GABRA2: variants seen among roughly 807,000 people sequenced by gnomAD.
GABRA2 encodes gamma-aminobutyric acid type A receptor subunit alpha2.
A neutral mutation model predicts 48.7 loss-of-function variants in GABRA2; 16 were observed. The observed-to-expected ratio is 0.33, with a 90% confidence interval of 0.22 to 0.50. The LOEUF (loss-of-function observed/expected upper bound fraction) is 0.50, where lower values mean the gene tolerates loss of function less well. GABRA2 is among the 20% of genes least tolerant of loss of function. The probability of loss-of-function intolerance (pLI) is 0.98; values close to 1 mark genes in which losing one functional copy is unlikely to be tolerated. For missense variants in GABRA2, 275 were observed against 535.6 expected, an observed-to-expected ratio of 0.51 and a Z score of 4.80; for synonymous variants, 185 against 184.5, an observed-to-expected ratio of 1.00 and a Z score of -0.02.
chr4:46,313,214 A>T (rs1423593129), intron 4 of GABRA2, among the ~76,000 whole-genome samples: 1 of 150,980 alleles, frequency 6.6e-6, no homozygotes. Flanking sequence ...AAGAAAAATT[A>T]AAAAATTAAA....
intron 3 of GABRA2, chr4:46,369,114 A>G (rs1405926087): frequency 1.4e-5 from 9 of 632,370 alleles, no homozygotes; most frequent in Non-Finnish European, 2.6e-5. Flanking sequence ...GGGCTAGGTT[A>G]ATATACTCAA....
chr4:46,319,800 A>G (rs1729143688), intron 4 of GABRA2, among the ~76,000 whole-genome samples: 1 of 151,846 alleles, frequency 6.6e-6, no homozygotes. Context: ...TTTTAACAGA[A>G]GATAATTAAA....
At chr4:46,356,989 T>G (rs1387277638) in intron 3 of GABRA2, among the ~76,000 whole-genome samples, 3 of 152,000 alleles carry the variant, frequency 2.0e-5, no homozygotes, top group Non-Finnish European at 4.4e-5. Context: ...TTGTTTTTTT[T>G]TTGTTTTGTT....
At chr4:46,333,997 T>C (rs1287110933) in intron 3 of GABRA2, among the ~76,000 whole-genome samples, 1 of 152,168 alleles carries the variant, frequency 6.6e-6, no homozygotes. Flanking sequence ...GGCATAGTTA[T>C]AGTGCTCCAA....
At chr4:46,303,662 C>T in intron 7 of GABRA2, 50 bp from the exon 8 acceptor site, 1 of 1,531,788 alleles carries the variant, frequency 6.5e-7, no homozygotes, top group Non-Finnish European at 9.0e-7. Context: ...ATACTTTGAA[C>T]ATTTAGGAAA....
intron 9 of GABRA2, among the ~76,000 whole-genome samples, chr4:46,260,089 T>G (rs1716649744): frequency 6.6e-6 from 1 of 151,910 alleles, no homozygotes; most frequent in African/African-American, 2.4e-5. Context: ...GGTATTATAT[T>G]GTCGGATTTA....
rs1269524227 is a variant in GABRA2 at position 46,246,730 on chromosome 4, C to A, written c.*3578G>T. Among the ~76,000 whole-genome samples, 2 of 151,186 alleles carry A rather than the reference C, an allele frequency of 1.3e-5. No homozygotes were observed. Among genetic ancestry groups the A allele is most frequent in the African/African-American group, 2.4e-5 (1 of 41,324 alleles). ...CTGTTTAGTAAATCTATTAACATAA[C>A]CTCATATTTCCAAGTAAATAATAAA... is the stretch of plus-strand genomic sequence containing the variant. On this transcript the variant is annotated 3_prime_UTR_variant, in exon 10 of 10. Transcript: ENST00000381620.
At chr4:46,295,011 C>G (rs552373244) in intron 8 of GABRA2, among the ~76,000 whole-genome samples, 2 of 152,202 alleles carry the variant, frequency 1.3e-5, no homozygotes, top group African/African-American at 4.8e-5. Flanking sequence ...TCCACTCCTG[C>G]TACCCTGCCT....
At chr4:46,349,595 T>G (rs1260788749) in intron 3 of GABRA2, among the ~76,000 whole-genome samples, 2 of 152,002 alleles carry the variant, frequency 1.3e-5, no homozygotes, top group African/African-American at 4.8e-5. Context: ...AACAATCCAA[T>G]ATTTTTCTTC....
intron 3 of GABRA2, among the ~76,000 whole-genome samples, chr4:46,353,196 T>C (rs560809825): frequency 2.0e-5 from 3 of 152,084 alleles, no homozygotes; most frequent in East Asian, 1.9e-4. Context: ...ACTTTCCTCT[T>C]TCACACCCAT....
At chr4:46,305,264 G>A (rs1726466404) in intron 7 of GABRA2, among the ~76,000 whole-genome samples, 1 of 111,822 alleles carries the variant, frequency 8.9e-6, no homozygotes, top group Non-Finnish European at 1.8e-5. Context: ...GGCCTGTTGT[G>A]GGGTGGGGGG....
intron 3 of GABRA2, 78 bp downstream of exon 3, chr4:46,385,996 T>C: frequency 1.3e-6 from 1 of 792,040 alleles, no homozygotes; most frequent in South Asian, 1.6e-5. Flanking sequence ...TATATAAAAG[T>C]ATTAAAATAG....
Position 46,330,589 on chromosome 4 carries a change from T to TAGAGAGAGAGAGAGAG in GABRA2, c.255+2025_255+2026insCTCTCTCTCTCTCTCT, listed in dbSNP as rs1322712224. 8.6e-3 allele frequency among the ~76,000 whole-genome samples: 1,072 copies of TAGAGAGAGAGAGAGAG among 124,456 alleles called. 4 individuals are homozygous for TAGAGAGAGAGAGAGAG. The highest frequency in any genetic ancestry group is 0.012 in the Non-Finnish European group (730 of 58,560). 81.6% of individuals were successfully genotyped at this position (124,456 alleles called of 152,430 possible). A position where few individuals can be genotyped will look rare whatever the true frequency, so the allele number is the denominator to read the frequency against. On this transcript the variant is annotated intron_variant, in intron 4 of 9. Transcript: ENST00000381620. ...ATATATATATATATATATATATATA[T>TAGAGAGAGAGAGAGAG]ATAGAGAGAGAGAGAGAGAGATGTT...
At chr4:46,356,673 T>C (rs1350181907) in intron 3 of GABRA2, among the ~76,000 whole-genome samples, 3 of 152,172 alleles carry the variant, frequency 2.0e-5, no homozygotes, top group Admixed American at 2.0e-4. Flanking sequence ...AAGATTAGTA[T>C]ATTCTATTTT....
At chr4:46,345,094 G>A (rs369879689) in intron 3 of GABRA2, among the ~76,000 whole-genome samples, 2 of 151,836 alleles carry the variant, frequency 1.3e-5, no homozygotes, top group African/African-American at 2.4e-5. Context: ...GAGTTCTCAC[G>A]AGATCCAATG....
At chr4:46,291,776 C>CACATATATATATATATATATATATATAT (rs1553906974) in intron 8 of GABRA2, among the ~76,000 whole-genome samples, 5 of 144,752 alleles carry the variant, frequency 3.5e-5, no homozygotes, top group African/African-American at 1.3e-4. Flanking sequence ...TAAACACACA[C>CACATATATATATATATATATATATATAT]ATATATATAT....
intron 8 of GABRA2, among the ~76,000 whole-genome samples, chr4:46,301,503 C>T (rs1184193559): frequency 1.3e-5 from 2 of 152,134 alleles, no homozygotes; most frequent in African/African-American, 4.8e-5. Flanking sequence ...TATTTTCTAT[C>T]TATGTCTCCA....
At position 46,307,499 on chromosome 4, in the gene GABRA2, A is replaced by G. The variant is rs557178146; in HGVS notation, c.560-1788T>C. On this transcript the variant is annotated intron_variant, in intron 6 of 9. Coordinates refer to ENST00000381620, the MANE Select transcript of GABRA2 (RefSeq NM_000807.4). ...TTGAATTATAATGTTTCTTTTAAAC[A>G]TAAATAAGAAAAAATGAAACCCTAT... Among the ~76,000 whole-genome samples, 4 of 151,940 alleles carry G rather than the reference A, an allele frequency of 2.6e-5. No homozygotes were observed. In the East Asian group the frequency reaches 5.8e-4, roughly 22 times the overall value.
chr4:46,388,611 T>C (rs776677519), intron 2 of GABRA2, 25 bp downstream of exon 2: 10 of 1,612,752 alleles, frequency 6.2e-6, no homozygotes, highest in Non-Finnish European at 8.5e-6. Context: ...TGAATTAAAA[T>C]AGTCAAATAC....
Sources: allele counts gnomAD v4.1 joint callset (sites outside exome capture counted in the v4.1 genomes callset), GRCh38; gene constraint gnomAD v4.1.1; transcripts MANE v1.5; gene names NCBI Gene and HGNC (gene_info 2026-07-23, HGNC 2026-07-21).